Variants in NEK10 observed in about 807,000 individuals in gnomAD.
NEK10 encodes the protein NIMA related kinase 10, also known as serine/threonine-protein kinase Nek10.
NEK10 carries 122 observed loss-of-function variants against 159.8 expected under a neutral mutation model. That is an observed-to-expected ratio of 0.76 (90% CI 0.66 to 0.89). The LOEUF is 0.89. NEK10 is among the 40% of genes least tolerant of loss of function. The pLI is 0.00. For missense variants in NEK10, 1,342 were observed against 1,323.1 expected, an observed-to-expected ratio of 1.01 and a Z score of -0.22; for synonymous variants, 466 against 457.1, an observed-to-expected ratio of 1.02 and a Z score of -0.25.
At chr3:27,247,779 T>C (rs1955222375) in intron 23 of NEK10, among the ~76,000 whole-genome samples, 1 of 151,820 alleles carries the variant, frequency 6.6e-6, no homozygotes, top group Non-Finnish European at 1.5e-5. Flanking sequence ...TCAAGCAATA[T>C]TGGCCTGCAG....
At chr3:27,283,540 G>A (rs1031768186) in intron 22 of NEK10, among the ~76,000 whole-genome samples, 6 of 152,100 alleles carry the variant, frequency 3.9e-5, no homozygotes, top group African/African-American at 1.4e-4. Context: ...GAGACTGCTG[G>A]TTTAGGAAGG....
chr3:27,163,058 G>C (rs1176851313), intron 29 of NEK10, among the ~76,000 whole-genome samples: 2 of 151,868 alleles, frequency 1.3e-5, no homozygotes, highest in African/African-American at 4.8e-5. Context: ...AAGGATATAA[G>C]ATTTAAAATG....
At chr3:27,152,247 C>T (rs1944955080) in intron 30 of NEK10, among the ~76,000 whole-genome samples, 1 of 152,156 alleles carries the variant, frequency 6.6e-6, no homozygotes, top group South Asian at 2.1e-4. Context: ...GAGGCAGAAG[C>T]ACCAGGTAAC....
intron 20 of NEK10, among the ~76,000 whole-genome samples, chr3:27,287,333 A>T (rs1313300646): frequency 6.6e-6 from 1 of 152,174 alleles, no homozygotes; most frequent in East Asian, 1.9e-4. Flanking sequence ...TATTTTGGGG[A>T]TGGAAAATGA....
At chr3:27,300,056 G>C (rs186476972) in intron 13 of NEK10, among the ~76,000 whole-genome samples, 1 of 152,294 alleles carries the variant, frequency 6.6e-6, no homozygotes, top group Admixed American at 6.5e-5. Flanking sequence ...GTTTTGAAAT[G>C]TGAGGACATA....
chr3:27,147,476 T>C (rs922200587), intron 30 of NEK10, among the ~76,000 whole-genome samples: 6 of 152,108 alleles, frequency 3.9e-5, no homozygotes, highest in African/African-American at 1.4e-4. Flanking sequence ...GGAAGCTGAG[T>C]CAAAGCATCA....
intron 5 of NEK10, among the ~76,000 whole-genome samples, chr3:27,324,274 G>T (rs563619915): frequency 1.1e-4 from 16 of 152,302 alleles, no homozygotes; most frequent in Admixed American, 1.0e-3. Context: ...ATAGGCCATA[G>T]AACGTGCACA....
chr3:27,219,720 T>C (rs1287459117), intron 23 of NEK10, among the ~76,000 whole-genome samples: 1 of 152,230 alleles, frequency 6.6e-6, no homozygotes, highest in Non-Finnish European at 1.5e-5. Context: ...CTGGAATTTC[T>C]AGTTGAGTCA....
intron 25 of NEK10, among the ~76,000 whole-genome samples, chr3:27,193,600 ATTTTTTTTTTTTTTTT>A (rs141331589): frequency 1.8e-5 from 1 of 55,064 alleles, no homozygotes; most frequent in African/African-American, 8.2e-5. Flanking sequence ...CATATGCTTG[ATTTTTTTTTTTTTTTT>A]TTTTTTTTTT....
intron 6 of NEK10, 137 bp from the exon 7 acceptor site, chr3:27,314,475 A>G (rs2044991177): frequency 1.6e-6 from 1 of 639,666 alleles, no homozygotes; most frequent in South Asian, 2.0e-5. Flanking sequence ...TAAATACGGA[A>G]AACTTACAGT....
chr3:27,124,722 A>C (rs545373997), intron 32 of NEK10, among the ~76,000 whole-genome samples: 42 of 152,204 alleles, frequency 2.8e-4, no homozygotes, highest in Non-Finnish European at 5.6e-4. Context: ...GGATGCTTTC[A>C]AGGAAACTGA....
At position 27,154,878 on chromosome 3, in the gene NEK10, G is replaced by A. The variant is rs555799337; in HGVS notation, c.2869+7823C>T. Among the ~76,000 whole-genome samples the A allele has an allele frequency of 4.6e-5, 7 of 152,208 alleles. No individual in the cohort carries two copies. In the East Asian group the frequency reaches 1.4e-3, roughly 29 times the overall value. The stretch of plus-strand genomic sequence containing the variant: ...GAAAAGTTGAAAGCATTCTCTCTGA[G>A]AACTGGAACAAGACAAGGATGCCCA... On this transcript the variant is annotated intron_variant, in intron 30 of 35. Transcript: ENST00000691995.
Position 27,192,055 on chromosome 3 carries a change from G to T in NEK10, c.2479C>A (p.His827Asn), listed in dbSNP as rs1949163647. ...MEANRNTVTC[H>N]HELAVLSHET... ...TGAGATAGAACAGCCAGCTCATGGT[G>T]ACATGTGACGGTGTTCCGGTTGGCT... is the stretch of plus-strand genomic sequence containing the variant. The change falls in exon 26 of 36, where the codon CAC becomes AAC. Residue 827 changes from histidine to asparagine, a missense_variant. By Grantham distance (68) the His-to-Asn change is moderately conservative. Coordinates refer to ENST00000691995, the MANE Select transcript of NEK10 (RefSeq NM_001394966.1). 6.2e-7 allele frequency: 1 copy of T among 1,614,084 alleles called. No individual in the cohort carries two copies. The highest frequency in any genetic ancestry group is 8.5e-7 in the Non-Finnish European group (1 of 1,180,034).
chr3:27,146,869 CT>C (rs1944347993), intron 30 of NEK10, among the ~76,000 whole-genome samples: 1 of 152,094 alleles, frequency 6.6e-6, no homozygotes, highest in South Asian at 2.1e-4. Context: ...GTGAAGTCAG[CT>C]AAGTGAGGGC....
intron 22 of NEK10, among the ~76,000 whole-genome samples, chr3:27,271,235 A>G (rs2041333403): frequency 6.6e-6 from 1 of 152,020 alleles, no homozygotes; most frequent in Non-Finnish European, 1.5e-5. Context: ...TAATAGTACT[A>G]TTCACATATA....
chr3:27,125,645 A>C (rs531083551), intron 32 of NEK10, among the ~76,000 whole-genome samples: 1 of 152,204 alleles, frequency 6.6e-6, no homozygotes, highest in East Asian at 1.9e-4. Context: ...CCTACTTACT[A>C]TTTTCTTATA....
chr3:27,246,606 A>G (rs1167747592), intron 23 of NEK10, among the ~76,000 whole-genome samples: 2 of 152,152 alleles, frequency 1.3e-5, no homozygotes, highest in Non-Finnish European at 2.9e-5. Context: ...TTTTTTAACT[A>G]TAGTCACCCT....
chr3:27,276,556 C>G (rs2041789652), intron 22 of NEK10, among the ~76,000 whole-genome samples: 1 of 152,154 alleles, frequency 6.6e-6, no homozygotes, highest in Non-Finnish European at 1.5e-5. Context: ...TAAACTTTAT[C>G]TTAAATATTA....
chr3:27,208,187 T>C (rs765446115), intron 23 of NEK10, among the ~76,000 whole-genome samples: 5 of 152,002 alleles, frequency 3.3e-5, no homozygotes, highest in Admixed American at 6.6e-5. Context: ...TGAGAACTAA[T>C]GAGGGTGCGG....
Sources: gnomAD v4.1 joint callset for allele counts (sites outside exome capture counted in the v4.1 genomes callset) on GRCh38, gnomAD v4.1.1 for gene constraint, MANE v1.5 for transcripts, NCBI Gene and HGNC (gene_info 2026-07-23, HGNC 2026-07-21) for gene names.